The following THSD7A variants were observed in gnomAD, a reference collection of about 807,000 sequenced individuals.
THSD7A encodes thrombospondin type 1 domain containing 7A.
Under a neutral mutation model 231.3 loss-of-function variants are expected in THSD7A, and 96 were observed. The observed-to-expected ratio is 0.41, with a 90% confidence interval of 0.35 to 0.49. The LOEUF (loss-of-function observed/expected upper bound fraction) is 0.49. THSD7A is among the 20% of genes least tolerant of loss of function. The pLI is 0.05. For synonymous variants in THSD7A, 940 were observed against 743.3 expected (o/e 1.26, Z -4.30); for missense variants, 2,290 against 2,070.2 (o/e 1.11, Z -2.06).
At chr7:11,700,514 ATACT>A (rs919219584) in intron 1 of THSD7A, among the ~76,000 whole-genome samples, 4 of 151,276 alleles carry the variant, frequency 2.6e-5, no homozygotes, top group African/African-American at 4.8e-5. Context: ...AGTGAAAAAA[ATACT>A]TAATATATAA....
rs1785170779 is a variant in THSD7A, at chr7:11,452,316, A to G, written c.2606-4892T>C. On this transcript the variant is annotated intron_variant, in intron 11 of 27. Coordinates refer to ENST00000423059, the MANE Select transcript of THSD7A (RefSeq NM_015204.3). ...TGTGCTTAGAAATAAGATCAAACCT[A>G]TAAATAATCCAAGAGGGCTCCAGTT... 2.6e-5 allele frequency among the ~76,000 whole-genome samples: 4 copies of G among 152,060 alleles called. No homozygotes were observed. The South Asian group carries it at 8.3e-4, about 31-fold the overall frequency.
intron 1 of THSD7A, among the ~76,000 whole-genome samples, chr7:11,740,682 C>A (rs1011094912): frequency 6.6e-6 from 1 of 151,922 alleles, no homozygotes; most frequent in African/African-American, 2.4e-5. Context: ...TCTCCCTGTT[C>A]AGTGTTTATA....
At chr7:11,654,704 C>T (rs1454873399) in intron 1 of THSD7A, among the ~76,000 whole-genome samples, 1 of 151,904 alleles carries the variant, frequency 6.6e-6, no homozygotes, top group Non-Finnish European at 1.5e-5. Flanking sequence ...TGTGGCCAAT[C>T]TGTATTTCAA....
At chr7:11,679,286 C>A (rs993218150) in intron 1 of THSD7A, among the ~76,000 whole-genome samples, 1 of 152,138 alleles carries the variant, frequency 6.6e-6, no homozygotes, top group African/African-American at 2.4e-5. Flanking sequence ...TGAAAACCAG[C>A]ACAAGACAAG....
At chr7:11,708,381 A>G (rs1780837737) in intron 1 of THSD7A, among the ~76,000 whole-genome samples, 1 of 150,774 alleles carries the variant, frequency 6.6e-6, no homozygotes, top group Non-Finnish European at 1.5e-5. Flanking sequence ...AAACAAAATA[A>G]CCATCAATGA....
At chr7:11,662,889 A>C (rs1018284073) in intron 1 of THSD7A, among the ~76,000 whole-genome samples, 1 of 151,516 alleles carries the variant, frequency 6.6e-6, no homozygotes, top group African/African-American at 2.4e-5. Flanking sequence ...TGCCACATTA[A>C]AATTTGTGAC....
At chr7:11,455,604 T>A (rs1785283020) in intron 11 of THSD7A, among the ~76,000 whole-genome samples, 1 of 152,204 alleles carries the variant, frequency 6.6e-6, no homozygotes, top group South Asian at 2.1e-4. Flanking sequence ...ATAAATTTTC[T>A]TTTAAAGTAC....
chr7:11,448,610 A>G (rs1785049615), intron 11 of THSD7A, among the ~76,000 whole-genome samples: 1 of 152,118 alleles, frequency 6.6e-6, no homozygotes, highest in African/African-American at 2.4e-5. Flanking sequence ...GCCTCAGGTT[A>G]GACAACACCG....
chr7:11,746,839 G>T (rs1487392751), intron 1 of THSD7A, among the ~76,000 whole-genome samples: 1 of 151,792 alleles, frequency 6.6e-6, no homozygotes, highest in Non-Finnish European at 1.5e-5. Context: ...ACCTCCTGGA[G>T]GGGGAGGAGT....
At chr7:11,549,466 G>T (rs1789535186) in intron 4 of THSD7A, among the ~76,000 whole-genome samples, 1 of 152,064 alleles carries the variant, frequency 6.6e-6, no homozygotes, top group South Asian at 2.1e-4. Context: ...CTATTATAAA[G>T]ATATATGCAT....
chr7:11,575,399 T>C (rs1427820830), intron 4 of THSD7A, among the ~76,000 whole-genome samples: 2 of 152,224 alleles, frequency 1.3e-5, no homozygotes, highest in Non-Finnish European at 2.9e-5. Context: ...GATAAACTTT[T>C]TCTTTGCCCT....
At chr7:11,742,144 T>A (rs963062247) in intron 1 of THSD7A, among the ~76,000 whole-genome samples, 3 of 151,964 alleles carry the variant, frequency 2.0e-5, no homozygotes, top group African/African-American at 7.2e-5. Context: ...TTACTACTTC[T>A]TGCTTATCAT....
chr7:11,553,143 G>C (rs1004777214), intron 4 of THSD7A, among the ~76,000 whole-genome samples: 1 of 152,054 alleles, frequency 6.6e-6, no homozygotes, highest in African/African-American at 2.4e-5. Context: ...AAGCCTTCTT[G>C]AGGTTTGCTC....
intron 2 of THSD7A, among the ~76,000 whole-genome samples, chr7:11,609,810 C>A (rs1780862581): frequency 6.6e-6 from 1 of 151,998 alleles, no homozygotes; most frequent in African/African-American, 2.4e-5. Context: ...TTTATTGAAT[C>A]AAATGTTATG....
chr7:11,748,450 T>C (rs1041805847), intron 1 of THSD7A, among the ~76,000 whole-genome samples: 1 of 151,972 alleles, frequency 6.6e-6, no homozygotes, highest in African/African-American at 2.4e-5. Context: ...ATTAAAGCAG[T>C]CTAAAAAGTA....
intron 1 of THSD7A, among the ~76,000 whole-genome samples, chr7:11,811,950 T>C (rs1784538306): frequency 1.3e-5 from 2 of 152,158 alleles, no homozygotes; most frequent in Admixed American, 1.3e-4. Context: ...GAAAAAGCTT[T>C]CCTGAAATTA....
chr7:11,631,600 G>C (rs377506030), intron 2 of THSD7A, among the ~76,000 whole-genome samples: 285 of 152,016 alleles, frequency 1.9e-3, no homozygotes, highest in African/African-American at 6.3e-3. Context: ...AAGCAAAACA[G>C]AAAACAAAAC....
chr7:11,584,831 A>T (rs1791327002), intron 4 of THSD7A, among the ~76,000 whole-genome samples: 1 of 152,218 alleles, frequency 6.6e-6, no homozygotes, highest in African/African-American at 2.4e-5. Flanking sequence ...CCTCTATTCA[A>T]ATTCAGAGGT....
At chr7:11,652,069 T>C (rs1782527141) in intron 1 of THSD7A, among the ~76,000 whole-genome samples, 1 of 151,990 alleles carries the variant, frequency 6.6e-6, no homozygotes, top group Admixed American at 6.6e-5. Context: ...TTTTTGCCCA[T>C]ACTCTGGTTA....
Sources: gnomAD v4.1 joint callset for allele counts (sites outside exome capture counted in the v4.1 genomes callset) on GRCh38, gnomAD v4.1.1 for gene constraint, MANE v1.5 for transcripts, NCBI Gene and HGNC (gene_info 2026-07-23, HGNC 2026-07-21) for gene names.